CCDC186: variants seen among roughly 807,000 people sequenced by gnomAD.
The protein encoded by CCDC186 is coiled-coil domain containing 186.
Under a neutral mutation model 113.7 loss-of-function variants are expected in CCDC186, and 49 were observed. That is an observed-to-expected ratio of 0.43 (90% confidence interval 0.34 to 0.55). The LOEUF (loss-of-function observed/expected upper bound fraction) is 0.55, where lower values mean the gene tolerates loss of function less well. Among genes scored for constraint, CCDC186 ranks in the 20% least tolerant of loss-of-function variants. The pLI is 0.02. For synonymous variants in CCDC186, 355 were observed against 345.8 expected (o/e 1.03, Z -0.30); for missense variants, 890 against 1,011.1 (o/e 0.88, Z 1.62).
chr10:114,140,491 C>G (rs755569492), intron 6 of CCDC186, among the ~76,000 whole-genome samples: 7 of 152,130 alleles, frequency 4.6e-5, no homozygotes, highest in Non-Finnish European at 1.0e-4. Context: ...GTTTAAGATG[C>G]CTTAAGTCAT....
chr10:114,171,952 A>C (rs2032505978), intron 1 of CCDC186, among the ~76,000 whole-genome samples: 2 of 152,180 alleles, frequency 1.3e-5, no homozygotes, highest in African/African-American at 4.8e-5. Context: ...TCAGTAGCTA[A>C]GAAAGTTCAA....
At chr10:114,149,648 C>CGAAG (rs1589621349) in intron 4 of CCDC186, among the ~76,000 whole-genome samples, 1 of 64,566 alleles carries the variant, frequency 1.5e-5, no homozygotes, top group South Asian at 5.6e-4. Flanking sequence ...GGAGGGAATG[C>CGAAG]GAAGGAAGGA....
intron 1 of CCDC186, among the ~76,000 whole-genome samples, chr10:114,166,133 A>G (rs545547373): frequency 1.3e-5 from 2 of 152,336 alleles, no homozygotes; most frequent in African/African-American, 4.8e-5. Flanking sequence ...CTGGAGACCC[A>G]GTAAGGAAAA....
rs1172866104 is a variant in CCDC186, at chr10:114,132,150, C to A, written c.1690G>T (p.Val564Leu). The A allele has an allele frequency of 1.2e-6, 2 of 1,601,820 alleles. No homozygotes were observed. The highest frequency in any genetic ancestry group is 1.7e-6 in the Non-Finnish European group (2 of 1,174,736). Residue 564 changes from valine to leucine, a missense_variant, in exon 11 of 16, where the codon GTG becomes TTG. By Grantham distance (32) the Val-to-Leu change is conservative. Coordinates refer to ENST00000369287, the MANE Select transcript of CCDC186 (RefSeq NM_018017.4). ...KQEIENLKEEVESLNSLINDL... is the reference protein window; with the variant it reads ...KQEIENLKEELESLNSLINDL... ...TTAATCAAAGAATTAAGACTTTCCA[C>A]TTCTTCTTTCAAATTTTCAATTTCT...
intron 2 of CCDC186, among the ~76,000 whole-genome samples, chr10:114,159,613 G>A (rs1193259607): frequency 7.6e-6 from 1 of 132,052 alleles, no homozygotes; most frequent in Non-Finnish European, 1.5e-5. Flanking sequence ...CTGCACTCTA[G>A]CTCAGTGACA....
Position 114,126,030 on chromosome 10 carries a change from A to C in CCDC186, c.2469T>G (p.His823Gln), listed in dbSNP as rs1400995395. ...SSEASDFNKV[H>Q]LSRRGGIMAS... is the part of the protein sequence containing the mutation. ...CCATGATGCCACCCCGTCTACTTAAATGAACTTTGTTAAAATCAGATGCCT... is the reference window on the plus strand; with the variant it reads ...CCATGATGCCACCCCGTCTACTTAACTGAACTTTGTTAAAATCAGATGCCT... The change falls in exon 15 of 16, where the codon CAT (histidine) becomes CAG (glutamine). Residue 823 changes from histidine (H) to glutamine (Q), a missense_variant. Coordinates refer to ENST00000369287, the MANE Select transcript of CCDC186 (RefSeq NM_018017.4). The C allele has an allele frequency of 6.2e-7, 1 of 1,614,076 alleles. No homozygotes were observed. Among genetic ancestry groups the C allele is most frequent in the Non-Finnish European group, 8.5e-7 (1 of 1,179,978 alleles).
intron 1 of CCDC186, chr10:114,173,285 G>A: frequency 2.2e-6 from 1 of 450,562 alleles, no homozygotes; most frequent in Non-Finnish European, 4.5e-6. Context: ...ATCAAGATGG[G>A]AATATTAGGT....
chr10:114,132,219 A>G, intron 10 of CCDC186, 35 bp from the exon 11 acceptor site: 1 of 1,422,636 alleles, frequency 7.0e-7, no homozygotes, highest in Non-Finnish European at 9.5e-7. Flanking sequence ...GAAAAAATAA[A>G]CCATTAAAAG....
At chr10:114,150,307 C>T (rs569055770) in intron 4 of CCDC186, among the ~76,000 whole-genome samples, 4 of 152,244 alleles carry the variant, frequency 2.6e-5, no homozygotes, top group African/African-American at 9.6e-5. Flanking sequence ...TAAAAAAGCA[C>T]TGCTTAAAAT....
Position 114,127,657 on chromosome 10 carries a change from G to C in CCDC186, c.2197C>G (p.Arg733Gly), listed in dbSNP as rs199641834. The change falls in exon 14 of 16, where the codon CGA becomes GGA. Residue 733 changes from arginine to glycine, a missense_variant. Transcript: ENST00000369287. Reference sequence around the variant, plus strand: ...GGAGATCGATCTTCTGCACTGCTTCGAGCATTCAGGGACCCTGAAGACAAA... The same window carrying C: ...GGAGATCGATCTTCTGCACTGCTTCCAGCATTCAGGGACCCTGAAGACAAA... ...RSSSSGSLNA[R>G]SSAEDRSPEN... 1 of 1,613,552 alleles carries C rather than the reference G, an allele frequency of 6.2e-7. No homozygotes were observed. The highest frequency in any genetic ancestry group is 1.3e-5 in the African/African-American group (1 of 74,872).
At chr10:114,136,832 G>GAAC (rs1359052022) in intron 7 of CCDC186, among the ~76,000 whole-genome samples, 2 of 152,158 alleles carry the variant, frequency 1.3e-5, no homozygotes, top group Admixed American at 1.3e-4. Flanking sequence ...TGAAACAAGA[G>GAAC]AACTGGCTAG....
Position 114,122,231 on chromosome 10 carries a change from G to A in CCDC186, c.*2912C>T. 6.6e-6 allele frequency: 1 copy of A among 151,968 alleles called. No homozygotes were observed. The highest frequency in any genetic ancestry group is 1.9e-4 in the East Asian group (1 of 5,186). 9.4% of individuals were successfully genotyped at this position (151,968 alleles called of 1,614,324 possible). A position where few individuals can be genotyped will look rare whatever the true frequency, so the allele number is the denominator to read the frequency against. On this transcript the variant is annotated 3_prime_UTR_variant, in exon 16 of 16. Transcript: ENST00000369287. Reference sequence around the variant, plus strand: ...AATAGTATAGGTTTTCAATAAATGTGTTTATTAAATAAATAAATAACATGT... The same window carrying A: ...AATAGTATAGGTTTTCAATAAATGTATTTATTAAATAAATAAATAACATGT...
chr10:114,140,465 A>G (rs1429373067), intron 6 of CCDC186, among the ~76,000 whole-genome samples: 1 of 152,226 alleles, frequency 6.6e-6, no homozygotes, highest in Admixed American at 6.5e-5. Context: ...TTTTAGTTCA[A>G]TTTTAGACAT....
intron 4 of CCDC186, among the ~76,000 whole-genome samples, chr10:114,150,268 C>T (rs1457133361): frequency 6.6e-6 from 1 of 152,104 alleles, no homozygotes; most frequent in African/African-American, 2.4e-5. Context: ...ATGACAAAGA[C>T]GTCATCCATA....
chr10:114,169,808 T>G (rs1006138027), intron 1 of CCDC186, among the ~76,000 whole-genome samples: 1 of 152,208 alleles, frequency 6.6e-6, no homozygotes, highest in Non-Finnish European at 1.5e-5. Context: ...TCCACACAGT[T>G]CAATGTAACC....
rs1471316125 is a variant in CCDC186, at chr10:114,135,064, T to G, written c.1513-9A>C. 4 of 1,600,078 alleles carry G rather than the reference T, an allele frequency of 2.5e-6. No individual in the cohort carries two copies. In the South Asian group the frequency reaches 4.5e-5, roughly 18 times the overall value. ...TCTTCTAGACATTTCACCTATCAAA[T>G]GATCACAACCAAGTTACAAACCATG... On this transcript the variant is annotated splice_polypyrimidine_tract_variant and intron_variant, in intron 9 of 15. Transcript: ENST00000369287.
chr10:114,126,793 A>G (rs1379831123), intron 14 of CCDC186, among the ~76,000 whole-genome samples: 1 of 152,260 alleles, frequency 6.6e-6, no homozygotes, highest in African/African-American at 2.4e-5. Context: ...ATTTCAAAAT[A>G]AAAATTAAAA....
rs879210450 is a variant in CCDC186 at position 114,124,224 on chromosome 10, T to A, written c.*919A>T. 3 of 152,172 alleles carry A rather than the reference T, an allele frequency of 2.0e-5. No homozygotes were observed. The highest frequency in any genetic ancestry group is 2.0e-4 in the Admixed American group (3 of 15,268). 9.4% of individuals were successfully genotyped at this position (152,172 alleles called of 1,614,324 possible). ...TGTATGATCACTCCACTATAATACA[T>A]AATTAATATATCCATGGTAAAGAAT... On this transcript the variant is annotated 3_prime_UTR_variant, in exon 16 of 16. Transcript: ENST00000369287.
At position 114,123,289 on chromosome 10, in the gene CCDC186, T is replaced by C. The variant is rs1589604446; in HGVS notation, c.*1854A>G. The C allele has an allele frequency of 1.3e-5, 2 of 152,580 alleles. No homozygotes were observed. 9.5% of individuals were successfully genotyped at this position (152,580 alleles called of 1,614,324 possible). A position where few individuals can be genotyped will look rare whatever the true frequency, so the allele number is the denominator to read the frequency against. On this transcript the variant is annotated 3_prime_UTR_variant, in exon 16 of 16. Transcript: ENST00000369287. ...AGACTAATACTTTTTATAACTATTC[T>C]AAAAATAAAACATCTTTGAACATAT...
Sources: allele counts gnomAD v4.1 joint callset (sites outside exome capture counted in the v4.1 genomes callset), GRCh38; gene constraint gnomAD v4.1.1; transcripts MANE v1.5; gene names NCBI Gene and HGNC (gene_info 2026-07-23, HGNC 2026-07-21).